The following CNTNAP2 variants were observed in gnomAD, a reference collection of about 807,000 sequenced individuals.
CNTNAP2 encodes the protein contactin-associated protein-like 2.
CNTNAP2 carries 98 observed loss-of-function variants against 155.2 expected under a neutral mutation model. That is an observed-to-expected ratio of 0.63 (90% CI 0.54 to 0.75). The LOEUF is 0.75. Ranked by LOEUF, CNTNAP2 falls within the 30% of genes least tolerant of loss-of-function variation. CNTNAP2 has a pLI of 0.00. For missense variants in CNTNAP2, 1,727 were observed against 1,688.1 expected, an observed-to-expected ratio of 1.02 and a Z score of -0.40; for synonymous variants, 651 against 631.2, an observed-to-expected ratio of 1.03 and a Z score of -0.47.
intron 15 of CNTNAP2, among the ~76,000 whole-genome samples, chr7:148,086,322 A>G (rs1247215533): frequency 6.6e-6 from 1 of 152,354 alleles, no homozygotes; most frequent in South Asian, 2.1e-4. Context: ...AAACAAAAGT[A>G]TCAACATTTC....
intron 4 of CNTNAP2, among the ~76,000 whole-genome samples, chr7:147,085,249 T>G (rs1233253877): frequency 6.6e-6 from 1 of 152,098 alleles, no homozygotes; most frequent in Non-Finnish European, 1.5e-5. Context: ...AAAACTGTAC[T>G]GTAGGTCAGG....
intron 19 of CNTNAP2, among the ~76,000 whole-genome samples, chr7:148,228,349 C>T (rs987053905): frequency 2.2e-4 from 34 of 151,834 alleles, no homozygotes; most frequent in African/African-American, 7.3e-4. Flanking sequence ...ATTGTTGGGA[C>T]GAAGCAAGGA....
chr7:146,983,965 G>A (rs1156815836), intron 3 of CNTNAP2, among the ~76,000 whole-genome samples: 1 of 152,212 alleles, frequency 6.6e-6, no homozygotes. Flanking sequence ...ACCAAATACA[G>A]TGAGGATATA....
At chr7:148,349,598 T>C (rs539327277) in intron 21 of CNTNAP2, among the ~76,000 whole-genome samples, 188 of 152,158 alleles carry the variant, frequency 1.2e-3, no homozygotes, top group Non-Finnish European at 2.3e-3. Context: ...AGATGGGGTT[T>C]CACTGCGTTA....
At chr7:148,280,484 T>A (rs530210025) in intron 21 of CNTNAP2, among the ~76,000 whole-genome samples, 2 of 152,268 alleles carry the variant, frequency 1.3e-5, no homozygotes, top group South Asian at 4.1e-4. Flanking sequence ...AATGTTAATA[T>A]CCTGATGGTG....
At chr7:148,059,408 A>C (rs968567967) in intron 15 of CNTNAP2, among the ~76,000 whole-genome samples, 1 of 152,156 alleles carries the variant, frequency 6.6e-6, no homozygotes, top group East Asian at 1.9e-4. Flanking sequence ...CCTGACCAAC[A>C]TGGTGAAACC....
At chr7:147,934,050 G>A (rs574842574) in intron 14 of CNTNAP2, among the ~76,000 whole-genome samples, 2 of 152,256 alleles carry the variant, frequency 1.3e-5, no homozygotes, top group Admixed American at 1.3e-4. Flanking sequence ...GGTTGCCAGG[G>A]GCTGGCAAGA....
At chr7:146,641,759 C>G (rs1350671594) in intron 1 of CNTNAP2, among the ~76,000 whole-genome samples, 1 of 152,142 alleles carries the variant, frequency 6.6e-6, no homozygotes, top group Non-Finnish European at 1.5e-5. Flanking sequence ...ATTTTTGTCA[C>G]TGCAGAGAGA....
intron 16 of CNTNAP2, among the ~76,000 whole-genome samples, chr7:148,135,741 C>G (rs1439632385): frequency 6.7e-6 from 1 of 149,352 alleles, no homozygotes; most frequent in African/African-American, 2.5e-5. Context: ...CCCAGCTACT[C>G]GGGAGGCTGA....
In CNTNAP2 at chr7:148,386,258, G is replaced by A. The variant is rs151185790; in HGVS notation, c.3715+2370G>A. ...GGACAGAAAACAGTTGACCGGGCTC[G>A]GTGGCTCACATCTGTAATCCCAGCA... On this transcript the variant is annotated intron_variant, in intron 22 of 23. Transcript: ENST00000361727. Among the ~76,000 whole-genome samples the A allele has an allele frequency of 2.0e-3, 307 of 152,196 alleles. 1 individual carries two copies. The highest frequency in any genetic ancestry group is 6.6e-3 in the African/African-American group (274 of 41,532).
chr7:147,876,783 C>T (rs1799426297), intron 13 of CNTNAP2, among the ~76,000 whole-genome samples: 1 of 151,962 alleles, frequency 6.6e-6, no homozygotes, highest in Admixed American at 6.6e-5. Context: ...TTGTTAATTC[C>T]CACCAGCCTG....
intron 21 of CNTNAP2, among the ~76,000 whole-genome samples, chr7:148,348,706 A>G (rs1019556979): frequency 6.6e-6 from 1 of 152,102 alleles, no homozygotes. Context: ...TGTCTTTCAT[A>G]CCCCAGCCAC....
intron 9 of CNTNAP2, among the ~76,000 whole-genome samples, chr7:147,347,324 A>G (rs1191822414): frequency 6.6e-6 from 1 of 151,628 alleles, no homozygotes; most frequent in Non-Finnish European, 1.5e-5. Flanking sequence ...CACACTGAAG[A>G]TAATGAGTGA....
At chr7:146,856,485 G>C (rs192963928) in intron 3 of CNTNAP2, among the ~76,000 whole-genome samples, 1 of 152,236 alleles carries the variant, frequency 6.6e-6, no homozygotes, top group Non-Finnish European at 1.5e-5. Flanking sequence ...GTAAATACTA[G>C]TTCTGGCATA....
At chr7:147,448,964 C>CT (rs996414505) in intron 10 of CNTNAP2, among the ~76,000 whole-genome samples, 103 of 151,958 alleles carry the variant, frequency 6.8e-4, no homozygotes, top group African/African-American at 2.3e-3. Context: ...CCCTAAGCAT[C>CT]TTTTTGCAAA....
chr7:146,787,194 C>T (rs1239172578), intron 2 of CNTNAP2, among the ~76,000 whole-genome samples: 2 of 152,162 alleles, frequency 1.3e-5, no homozygotes, highest in East Asian at 1.9e-4. Flanking sequence ...CCTTACTCTT[C>T]CTCCCTGAGT....
intron 3 of CNTNAP2, among the ~76,000 whole-genome samples, chr7:147,019,557 C>A (rs536170373): frequency 5.3e-5 from 8 of 151,960 alleles, no homozygotes; most frequent in Non-Finnish European, 1.2e-4. Flanking sequence ...GTAGAGCTGT[C>A]AGTATTGGAA....
chr7:148,409,477 T>G lies in CNTNAP2; in HGVS notation c.3796+6T>G. The G allele has an allele frequency of 6.2e-7, 1 of 1,612,986 alleles. No homozygotes were observed. Among genetic ancestry groups the G allele is most frequent in the South Asian group, 1.1e-5 (1 of 91,066 alleles). Reference sequence around the variant, plus strand: ...AAACTCGGCTATCATTGGAGGTAGGTGATGTCTAGAGGAGGCTTATATGGG... The same window carrying G: ...AAACTCGGCTATCATTGGAGGTAGGGGATGTCTAGAGGAGGCTTATATGGG... On this transcript the variant is annotated splice_donor_region_variant and intron_variant, in intron 23 of 23. Coordinates refer to ENST00000361727, the MANE Select transcript of CNTNAP2 (RefSeq NM_014141.6).
At chr7:148,124,978 G>C (rs1030258736) in intron 16 of CNTNAP2, among the ~76,000 whole-genome samples, 1 of 152,102 alleles carries the variant, frequency 6.6e-6, no homozygotes, top group Non-Finnish European at 1.5e-5. Flanking sequence ...ACAGGAATGG[G>C]GAGTGTGATG....
Sources: gnomAD v4.1 joint callset for allele counts (sites outside exome capture counted in the v4.1 genomes callset) on GRCh38, gnomAD v4.1.1 for gene constraint, MANE v1.5 for transcripts, NCBI Gene and HGNC (gene_info 2026-07-23, HGNC 2026-07-21) for gene names.